CNTN3: variants seen among roughly 807,000 people sequenced by gnomAD.
CNTN3 encodes the protein contactin 3.
In CNTN3, 60 loss-of-function variants were observed where a neutral mutation model predicts 119.1. The ratio of observed to expected loss-of-function variants is 0.50; its 90% CI spans 0.41 to 0.62. The LOEUF is 0.62. Ranked by LOEUF, CNTN3 falls within the 20% of genes least tolerant of loss-of-function variation. CNTN3 has a pLI of 0.00. For missense variants in CNTN3, 1,101 were observed against 1,242.4 expected (o/e 0.89, Z 1.71); for synonymous variants, 450 against 438.7 (o/e 1.03, Z -0.32).
At chr3:74,589,288 T>C (rs1330804914) in intron 1 of CNTN3, among the ~76,000 whole-genome samples, 1 of 152,122 alleles carries the variant, frequency 6.6e-6, no homozygotes, top group Non-Finnish European at 1.5e-5. Context: ...CATCAAAAAG[T>C]GGGCAAAGGA....
At chr3:74,332,632 A>C (rs1429963407) in intron 13 of CNTN3, among the ~76,000 whole-genome samples, 1 of 152,206 alleles carries the variant, frequency 6.6e-6, no homozygotes, top group African/African-American at 2.4e-5. Context: ...TGTTTGATGC[A>C]TATTACAGTC....
intron 13 of CNTN3, among the ~76,000 whole-genome samples, chr3:74,329,244 T>C (rs1382800146): frequency 6.6e-6 from 1 of 152,178 alleles, no homozygotes; most frequent in African/African-American, 2.4e-5. Flanking sequence ...AGTGAAATTG[T>C]GGCTTGTGGG....
intron 2 of CNTN3, among the ~76,000 whole-genome samples, chr3:74,501,791 G>GAAAAA (rs11383452): frequency 6.8e-6 from 1 of 147,196 alleles, no homozygotes; most frequent in Non-Finnish European, 1.5e-5. Flanking sequence ...ATTGCCAAAG[G>GAAAAA]AAAAAAAAAA....
chr3:74,371,585 A>C (rs959329789), intron 5 of CNTN3, among the ~76,000 whole-genome samples, 186 bp from the exon 6 acceptor site: 1 of 152,086 alleles, frequency 6.6e-6, no homozygotes, highest in Admixed American at 6.5e-5. Context: ...TATAGAGGAC[A>C]CCGTTGATTA....
At chr3:74,398,806 A>T (rs1446578432) in intron 5 of CNTN3, among the ~76,000 whole-genome samples, 1 of 152,176 alleles carries the variant, frequency 6.6e-6, no homozygotes, top group East Asian at 1.9e-4. Flanking sequence ...TGTGGTTCCC[A>T]CCTGTTTATC....
At chr3:74,275,814 G>T (rs1701867615) in intron 20 of CNTN3, among the ~76,000 whole-genome samples, 1 of 152,066 alleles carries the variant, frequency 6.6e-6, no homozygotes, top group South Asian at 2.1e-4. Flanking sequence ...GAATTTAAAT[G>T]GGCTAAATGC....
intron 20 of CNTN3, among the ~76,000 whole-genome samples, chr3:74,269,526 G>A (rs1429828170): frequency 6.6e-6 from 1 of 152,064 alleles, no homozygotes; most frequent in African/African-American, 2.4e-5. Flanking sequence ...TCATTATATT[G>A]CATTGTAATA....
rs1046393145 is a variant in CNTN3 at position 74,510,830 on chromosome 3, CAA to C, written c.55+10226_55+10227del. Among the ~76,000 whole-genome samples the C allele has an allele frequency of 3.3e-5, 5 of 151,992 alleles. 1 individual carries two copies. The highest frequency in any genetic ancestry group is 7.4e-5 in the Non-Finnish European group (5 of 68,014). ...AATTCTTACTTTAATCTAAATCTTC[CAA>C]AGTTAGGATTCAAATCAGTCACCTG... is the stretch of plus-strand genomic sequence containing the variant. On this transcript the variant is annotated intron_variant, in intron 2 of 22. Coordinates refer to ENST00000263665, the MANE Select transcript of CNTN3 (RefSeq NM_020872.3).
Position 74,456,911 on chromosome 3 carries a change from T to TA in CNTN3, c.358+29544dup, listed in dbSNP as rs1702280434. 2.0e-5 allele frequency among the ~76,000 whole-genome samples: 3 copies of TA among 152,020 alleles called. No homozygotes were observed. In the South Asian group the frequency reaches 6.2e-4, roughly 31 times the overall value. ...AGGCAAAATAAAATCTATTTACCAA[T>TA]AAGTTTTTTTTATGTACACTCCACA... On this transcript the variant is annotated intron_variant, in intron 4 of 22. Coordinates refer to ENST00000263665, the MANE Select transcript of CNTN3 (RefSeq NM_020872.3).
intron 1 of CNTN3, among the ~76,000 whole-genome samples, chr3:74,602,427 CT>C (rs1704926827): frequency 6.7e-6 from 1 of 150,340 alleles, no homozygotes; most frequent in Non-Finnish European, 1.5e-5. Flanking sequence ...GGGAGGGGGG[CT>C]TTTTTCTACA....
chr3:74,587,981 T>A (rs1471805656), intron 1 of CNTN3, among the ~76,000 whole-genome samples: 1 of 152,150 alleles, frequency 6.6e-6, no homozygotes, highest in Non-Finnish European at 1.5e-5. Context: ...CAATACCTAA[T>A]TTATTGAGAG....
chr3:74,364,531 C>T lies in CNTN3; in HGVS notation c.1149G>A (p.Met383Ile). Residue 383 changes from methionine to isoleucine, a missense_variant, in exon 10 of 23, where the codon ATG becomes ATA. Transcript: ENST00000263665. Reference protein sequence around the residue: ...ISNLSVTDSGMFQCIAENKHG... With the variant: ...ISNLSVTDSGIFQCIAENKHG... The stretch of plus-strand genomic sequence containing the variant: ...GTTTGTTTTCTGCTATGCATTGGAA[C>T]ATGCCAGAATCAGTCACACTTAGGT... 6.2e-7 allele frequency: 1 copy of T among 1,612,440 alleles called. No individual in the cohort carries two copies. The highest frequency in any genetic ancestry group is 8.5e-7 in the Non-Finnish European group (1 of 1,178,828).
intron 5 of CNTN3, among the ~76,000 whole-genome samples, chr3:74,393,448 T>C (rs1704965342): frequency 6.6e-6 from 1 of 152,244 alleles, no homozygotes; most frequent in Admixed American, 6.5e-5. Context: ...TTAAATTCAC[T>C]TTTCCTTCCC....
chr3:74,344,396 G>GTTTTTTTTTTTTTTT (rs1274539668), intron 11 of CNTN3, among the ~76,000 whole-genome samples: 1 of 87,812 alleles, frequency 1.1e-5, no homozygotes. Context: ...CTTACACAGT[G>GTTTTTTTTTTTTTTT]GTTTTTTTTT....
chr3:74,361,803 G>A (rs902328787), intron 11 of CNTN3, 87 bp downstream of exon 11: 1 of 1,339,900 alleles, frequency 7.5e-7, no homozygotes, highest in Admixed American at 2.5e-5. Flanking sequence ...ATGCTATTTT[G>A]TTTCATTTCA....
At chr3:74,586,158 G>T (rs1387808791) in intron 1 of CNTN3, among the ~76,000 whole-genome samples, 1 of 152,070 alleles carries the variant, frequency 6.6e-6, no homozygotes, top group Non-Finnish European at 1.5e-5. Flanking sequence ...ACAAAGTAGG[G>T]CAAGTAGCCC....
Position 74,435,406 on chromosome 3 carries a change from G to A in CNTN3, c.359-10466C>T, listed in dbSNP as rs548566506. ...TGCCCAGGCCAGTCACAAACTCTTGGGCTCAAGCAATCCACCTGTCTCAGC... is the reference window on the plus strand; with the variant it reads ...TGCCCAGGCCAGTCACAAACTCTTGAGCTCAAGCAATCCACCTGTCTCAGC... On this transcript the variant is annotated intron_variant, in intron 4 of 22. Coordinates refer to ENST00000263665, the MANE Select transcript of CNTN3 (RefSeq NM_020872.3). Among the ~76,000 whole-genome samples the A allele has an allele frequency of 9.8e-4, 149 of 152,150 alleles. 1 individual carries two copies. Among genetic ancestry groups the A allele is most frequent in the African/African-American group, 3.5e-3 (147 of 41,530 alleles).
intron 13 of CNTN3, among the ~76,000 whole-genome samples, chr3:74,321,302 ATATAT>A (rs1465386188): frequency 1.3e-5 from 2 of 152,212 alleles, no homozygotes; most frequent in Non-Finnish European, 2.9e-5. Context: ...TAAAATTTGT[ATATAT>A]TATATGATTT....
intron 10 of CNTN3, among the ~76,000 whole-genome samples, chr3:74,362,365 G>C (rs1350387237): frequency 1.3e-5 from 2 of 152,186 alleles, no homozygotes; most frequent in Non-Finnish European, 2.9e-5. Flanking sequence ...GACAGGAATA[G>C]GGTTGTCTCT....
Sources: gnomAD v4.1 joint callset for allele counts (sites outside exome capture counted in the v4.1 genomes callset) on GRCh38, gnomAD v4.1.1 for gene constraint, MANE v1.5 for transcripts, NCBI Gene and HGNC (gene_info 2026-07-23, HGNC 2026-07-21) for gene names.